Variants in NTM observed in about 807,000 individuals in gnomAD.
NTM encodes the protein neurotrimin.
In NTM, 13 loss-of-function variants were observed where a neutral mutation model predicts 42.1. The observed-to-expected ratio is 0.31, with a 90% CI of 0.20 to 0.49. NTM has a LOEUF of 0.49. Ranked by LOEUF, NTM falls within the 20% of genes least tolerant of loss-of-function variation. The probability of loss-of-function intolerance (pLI) is 0.99; values close to 1 mark genes in which losing one functional copy is unlikely to be tolerated. For synonymous variants in NTM, 187 were observed against 179.2 expected (o/e 1.04, Z -0.35); for missense variants, 373 against 452.8 (o/e 0.82, Z 1.60).
chr11:132,169,319 A>ATTTTTTTTTTTTTTTTT (rs1491121130), intron 3 of NTM, among the ~76,000 whole-genome samples: 8 of 10,288 alleles, frequency 7.8e-4, no homozygotes, highest in Admixed American at 2.2e-3. Context: ...TAATTTTTTT[A>ATTTTTTTTTTTTTTTTT]CTTTTTTTTT....
chr11:131,497,196 T>C (rs1565564776), intron 1 of NTM, among the ~76,000 whole-genome samples: 1 of 152,178 alleles, frequency 6.6e-6, no homozygotes, highest in Admixed American at 6.5e-5. Flanking sequence ...CTTTTATTTA[T>C]TTATTTTTTC....
chr11:132,029,998 T>C (rs1305949169), intron 2 of NTM, among the ~76,000 whole-genome samples: 1 of 152,210 alleles, frequency 6.6e-6, no homozygotes, highest in East Asian at 1.9e-4. Flanking sequence ...GCAATCCTTT[T>C]TGATAGAGTT....
chr11:132,081,144 G>A (rs1351537686), intron 2 of NTM, among the ~76,000 whole-genome samples: 2 of 152,222 alleles, frequency 1.3e-5, no homozygotes, highest in African/African-American at 4.8e-5. Flanking sequence ...ATCCTGGAAG[G>A]TAAGACTTCA....
In NTM at chr11:132,262,823, C is replaced by A. The variant is rs114115751; in HGVS notation, c.527-44866C>A. Among the ~76,000 whole-genome samples, 1,228 of 152,304 alleles carry A rather than the reference C, an allele frequency of 8.1e-3. 13 individuals are homozygous for A. The highest frequency in any genetic ancestry group is 0.028 in the African/African-American group (1,158 of 41,554). ...CCCAACAGCCTCAAAAGTCTTAACT[C>A]GCTCCAGAATGAACTCTAAAGTCCA... On this transcript the variant is annotated intron_variant, in intron 4 of 8. Transcript: ENST00000683400.
intron 1 of NTM, among the ~76,000 whole-genome samples, chr11:131,719,005 G>T (rs1355429533): frequency 6.6e-6 from 1 of 152,090 alleles, no homozygotes; most frequent in African/African-American, 2.4e-5. Flanking sequence ...AGCCTCCCAG[G>T]TTCAGGTCAT....
At chr11:131,820,967 G>A (rs2093161769) in intron 1 of NTM, among the ~76,000 whole-genome samples, 1 of 151,880 alleles carries the variant, frequency 6.6e-6, no homozygotes, top group African/African-American at 2.4e-5. Context: ...AAGCCTAGAA[G>A]GGTTGTAAGG....
intron 1 of NTM, among the ~76,000 whole-genome samples, chr11:131,739,486 C>G (rs1422995930): frequency 6.6e-6 from 1 of 152,160 alleles, no homozygotes; most frequent in Non-Finnish European, 1.5e-5. Context: ...AGGTTTGTGT[C>G]TCTTAGCTGC....
chr11:132,110,389 C>T (rs1175129031), intron 2 of NTM, among the ~76,000 whole-genome samples: 1 of 152,232 alleles, frequency 6.6e-6, no homozygotes, highest in African/African-American at 2.4e-5. Flanking sequence ...CTGCCAAGGA[C>T]AGTTGCCTCT....
intron 1 of NTM, among the ~76,000 whole-genome samples, chr11:131,745,368 C>G (rs2081688649): frequency 6.6e-6 from 1 of 152,180 alleles, no homozygotes; most frequent in African/African-American, 2.4e-5. Flanking sequence ...GTTATCAAAA[C>G]CTGCCTTGCA....
intron 1 of NTM, among the ~76,000 whole-genome samples, chr11:131,808,325 C>A (rs1056178914): frequency 5.9e-5 from 9 of 152,168 alleles, no homozygotes; most frequent in African/African-American, 2.2e-4. Flanking sequence ...GGCTGGGATT[C>A]TCTTTGTATT....
At chr11:132,063,564 T>C (rs550122365) in intron 2 of NTM, among the ~76,000 whole-genome samples, 4 of 152,306 alleles carry the variant, frequency 2.6e-5, no homozygotes, top group South Asian at 4.1e-4. Context: ...CAGCAGAGCC[T>C]GAAAAGCTAC....
At chr11:131,596,393 G>A (rs1353839481) in intron 1 of NTM, among the ~76,000 whole-genome samples, 4 of 152,164 alleles carry the variant, frequency 2.6e-5, no homozygotes, top group African/African-American at 4.8e-5. Context: ...CTGGCATCAC[G>A]GCATCGTAGG....
intron 1 of NTM, among the ~76,000 whole-genome samples, chr11:131,444,330 C>T (rs1591682373): frequency 6.6e-6 from 1 of 151,394 alleles, no homozygotes; most frequent in South Asian, 2.1e-4. Context: ...CCAAGGAGTG[C>T]GTCTTATGGA....
intron 2 of NTM, among the ~76,000 whole-genome samples, chr11:131,952,361 T>A (rs542608152): frequency 6.6e-6 from 1 of 152,366 alleles, no homozygotes; most frequent in South Asian, 2.1e-4. Context: ...AAATACTTCC[T>A]ACAAGTTTAA....
intron 4 of NTM, among the ~76,000 whole-genome samples, chr11:132,303,398 A>G (rs530214341): frequency 7.2e-5 from 11 of 152,154 alleles, no homozygotes; most frequent in Non-Finnish European, 1.6e-4. Context: ...CATCACTCCT[A>G]TCACATGGTC....
chr11:131,708,521 A>G (rs1315847522), intron 1 of NTM, among the ~76,000 whole-genome samples: 1 of 152,176 alleles, frequency 6.6e-6, no homozygotes, highest in African/African-American at 2.4e-5. Flanking sequence ...CATTAATAGG[A>G]TTATTTCCTA....
intron 2 of NTM, among the ~76,000 whole-genome samples, chr11:132,145,151 G>A (rs193216119): frequency 6.6e-6 from 1 of 152,290 alleles, no homozygotes; most frequent in East Asian, 1.9e-4. Flanking sequence ...TTGACTGAGA[G>A]GTCTGACTTC....
chr11:131,418,950 G>A (rs1947232143), intron 1 of NTM, among the ~76,000 whole-genome samples: 1 of 152,122 alleles, frequency 6.6e-6, no homozygotes, highest in South Asian at 2.1e-4. Flanking sequence ...GCCAAGTGGG[G>A]AGAGATAATC....
rs1224729714 is a variant in NTM, at chr11:132,307,810, G to C, written c.648G>C (p.Lys216Asn). The C allele has an allele frequency of 6.2e-7, 1 of 1,614,126 alleles. No homozygotes were observed. Among genetic ancestry groups the C allele is most frequent in the Admixed American group, 1.7e-5 (1 of 60,022 alleles). Reference sequence around the variant, plus strand: ...CCGCGCCCGTGGTACGGAGAGTAAAGGTCACCGTGAACTGTAAGTGTTCTC... The same window carrying C: ...CCGCGCCCGTGGTACGGAGAGTAAACGTCACCGTGAACTGTAAGTGTTCTC... ...DVAAPVVRRV[K>N]VTVNYPPYIS... is the part of the protein sequence containing the mutation. Residue 216 changes from lysine (K) to asparagine (N), a missense_variant, in exon 5 of 9, where the codon AAG becomes AAC. By Grantham distance (94) the Lys-to-Asn change is moderately conservative (BLOSUM62 0). Around this residue, in one of 3 missense-constraint regions of NTM, gnomAD observed 312 missense variants for 353.5 expected, o/e 0.88. Transcript: ENST00000683400.
Sources: gnomAD v4.1 joint callset for allele counts (sites outside exome capture counted in the v4.1 genomes callset) on GRCh38, gnomAD v4.1.1 for gene constraint, gnomAD v4.1.1 regional missense constraint, MANE v1.5 for transcripts, NCBI Gene and HGNC (gene_info 2026-07-23, HGNC 2026-07-21) for gene names.